The following DIP2C variants were observed in gnomAD, a reference collection of about 807,000 sequenced individuals.
The protein encoded by DIP2C is DIP2 acetate--CoA ligase C (putative).
Under a neutral mutation model 192.4 loss-of-function variants are expected in DIP2C, and 33 were observed. That is an observed-to-expected ratio of 0.17 (90% CI 0.13 to 0.23). DIP2C has a LOEUF of 0.23. Among genes scored for constraint, DIP2C ranks in the 10% least tolerant of loss-of-function variants. DIP2C has a pLI of 1.00. For missense variants in DIP2C, 1,537 were observed against 2,110.1 expected (o/e 0.73, Z 5.32); for synonymous variants, 979 against 864.1 (o/e 1.13, Z -2.33).
At chr10:396,444 A>G (rs1192554511) in intron 10 of DIP2C, among the ~76,000 whole-genome samples, 1 of 152,220 alleles carries the variant, frequency 6.6e-6, no homozygotes, top group African/African-American at 2.4e-5. Flanking sequence ...ACAAATTATT[A>G]AAGTGAAGAA....
intron 1 of DIP2C, among the ~76,000 whole-genome samples, chr10:679,630 A>ACACCCG (rs1432864841): frequency 7.3e-5 from 6 of 82,236 alleles, no homozygotes; most frequent in African/African-American, 1.9e-4. Flanking sequence ...CCCTATGCCC[A>ACACCCG]TGCTCCCCAC....
intron 1 of DIP2C, among the ~76,000 whole-genome samples, chr10:678,740 C>T (rs1345029574): frequency 9.1e-5 from 4 of 44,144 alleles, no homozygotes; most frequent in African/African-American, 2.6e-4. Flanking sequence ...GCTCCCCGCG[C>T]CCATCTCTGC....
chr10:424,372 T>G (rs1359585833), intron 4 of DIP2C, among the ~76,000 whole-genome samples: 2 of 143,872 alleles, frequency 1.4e-5, no homozygotes, highest in Non-Finnish European at 1.5e-5. Flanking sequence ...TTTTTTTTTT[T>G]TTTTTTTTTT....
chr10:579,468 CAT>C (rs1291667577), intron 1 of DIP2C, among the ~76,000 whole-genome samples: 5 of 151,718 alleles, frequency 3.3e-5, no homozygotes, highest in Admixed American at 6.6e-5. Flanking sequence ...AGCGTACACA[CAT>C]ACAGATCCAG....
intron 1 of DIP2C, chr10:650,812 C>T (rs1322112904): frequency 1.4e-6 from 1 of 698,254 alleles, no homozygotes; most frequent in Non-Finnish European, 2.7e-6. Flanking sequence ...CACCATGGAA[C>T]CCAGATGTCC....
intron 22 of DIP2C, 93 bp downstream of exon 22, chr10:362,397 C>A: frequency 7.1e-7 from 1 of 1,416,356 alleles, no homozygotes; most frequent in Non-Finnish European, 9.5e-7. Context: ...CAGCTTCCTG[C>A]AAGCAGCCCT....
At chr10:560,289 G>A (rs913844652) in intron 1 of DIP2C, among the ~76,000 whole-genome samples, 2 of 152,220 alleles carry the variant, frequency 1.3e-5, no homozygotes, top group South Asian at 2.1e-4. Context: ...GGGGAGGTTC[G>A]GAGAATGAGG....
intron 9 of DIP2C, among the ~76,000 whole-genome samples, chr10:406,583 G>T (rs1043620392): frequency 1.3e-5 from 2 of 152,192 alleles, no homozygotes; most frequent in Non-Finnish European, 2.9e-5. Flanking sequence ...ATCCTGGGTG[G>T]AGAACAAACT....
chr10:484,965 A>G (rs753185687), intron 2 of DIP2C: 2 of 1,596,380 alleles, frequency 1.3e-6, no homozygotes, highest in Non-Finnish European at 1.7e-6. Context: ...CAAGTTGAAA[A>G]AAAACTAATT....
At chr10:465,596 T>C (rs1175324203) in intron 3 of DIP2C, among the ~76,000 whole-genome samples, 1 of 152,086 alleles carries the variant, frequency 6.6e-6, no homozygotes, top group African/African-American at 2.4e-5. Flanking sequence ...GGAAGTCAAA[T>C]TGTCCCTGTT....
At position 497,056 on chromosome 10, in the gene DIP2C, G is replaced by A. The variant is rs146813160; in HGVS notation, c.86-10526C>T. 2.2e-3 allele frequency among the ~76,000 whole-genome samples: 331 copies of A among 152,136 alleles called. 1 individual carries two copies. The highest frequency in any genetic ancestry group is 7.4e-3 in the African/African-American group (309 of 41,560). On this transcript the variant is annotated intron_variant, in intron 1 of 36. Transcript: ENST00000280886. ...GAAGAATGGCATGAACCCAGGAGAT[G>A]GAGCTTGCAGTGAGCTGAGATCGTG... is the stretch of plus-strand genomic sequence containing the variant.
intron 1 of DIP2C, among the ~76,000 whole-genome samples, chr10:611,349 G>A (rs553190054): frequency 6.6e-6 from 1 of 152,160 alleles, no homozygotes; most frequent in African/African-American, 2.4e-5. Context: ...CCAGCCTCAG[G>A]TAGTTCTTTA....
chr10:610,900 G>A (rs1853051107), intron 1 of DIP2C, among the ~76,000 whole-genome samples: 2 of 148,458 alleles, frequency 1.3e-5, no homozygotes, highest in Admixed American at 6.6e-5. Flanking sequence ...GGTGGGCCCT[G>A]GTGGGAGGTG....
At chr10:316,742 G>A (rs766471875) in intron 31 of DIP2C, among the ~76,000 whole-genome samples, 2 of 152,322 alleles carry the variant, frequency 1.3e-5, no homozygotes, top group East Asian at 1.9e-4. Context: ...GAGTGCCTCA[G>A]AGAAAATGCA....
At chr10:458,327 A>T (rs1358665981) in intron 3 of DIP2C, among the ~76,000 whole-genome samples, 2 of 152,256 alleles carry the variant, frequency 1.3e-5, no homozygotes, top group Non-Finnish European at 2.9e-5. Flanking sequence ...ACCTCATCAA[A>T]ATCAGTAAAT....
chr10:531,575 A>G (rs549726957), intron 1 of DIP2C, among the ~76,000 whole-genome samples: 1 of 152,182 alleles, frequency 6.6e-6, no homozygotes, highest in Non-Finnish European at 1.5e-5. Flanking sequence ...GGAAGCGTCT[A>G]TCGCCCTAAA....
intron 1 of DIP2C, among the ~76,000 whole-genome samples, chr10:580,527 G>T (rs576091132): frequency 6.6e-6 from 1 of 152,278 alleles, no homozygotes; most frequent in East Asian, 1.9e-4. Context: ...ATGCACATAT[G>T]TACACATGTA....
intron 1 of DIP2C, among the ~76,000 whole-genome samples, chr10:628,335 T>C (rs924976673): frequency 1.3e-5 from 2 of 152,206 alleles, no homozygotes; most frequent in African/African-American, 2.4e-5. Context: ...GGCCCAAAAA[T>C]CCACCTGTGT....
intron 3 of DIP2C, among the ~76,000 whole-genome samples, chr10:462,834 C>T (rs1969904961): frequency 6.6e-6 from 1 of 152,216 alleles, no homozygotes; most frequent in African/African-American, 2.4e-5. Context: ...AAATAGGCTT[C>T]ATCCCTGGGA....
Sources: gnomAD v4.1 joint callset for allele counts (sites outside exome capture counted in the v4.1 genomes callset) on GRCh38, gnomAD v4.1.1 for gene constraint, MANE v1.5 for transcripts, NCBI Gene and HGNC (gene_info 2026-07-23, HGNC 2026-07-21) for gene names.